COL22A1: variants seen among roughly 807,000 people sequenced by gnomAD.
COL22A1 encodes collagen alpha-1(XXII) chain.
Under a neutral mutation model 248.9 loss-of-function variants are expected in COL22A1, and 221 were observed. The ratio of observed to expected loss-of-function variants is 0.89; its 90% CI spans 0.80 to 0.99. The LOEUF (loss-of-function observed/expected upper bound fraction) is 0.99. COL22A1 is among the 50% of genes least tolerant of loss of function. COL22A1 has a pLI of 0.00. For synonymous variants in COL22A1, 891 were observed against 793.4 expected (o/e 1.12, Z -2.07); for missense variants, 2,240 against 2,179.0 (o/e 1.03, Z -0.56).
At chr8:138,673,976 A>G (rs111523005) in intron 41 of COL22A1, among the ~76,000 whole-genome samples, 1 of 152,156 alleles carries the variant, frequency 6.6e-6, no homozygotes, top group Non-Finnish European at 1.5e-5. Flanking sequence ...AACGCCATGC[A>G]GTCACTCAGG....
At chr8:138,773,184 G>A (rs531060752) in intron 16 of COL22A1, among the ~76,000 whole-genome samples, 2 of 152,336 alleles carry the variant, frequency 1.3e-5, no homozygotes, top group Non-Finnish European at 2.9e-5. Context: ...AGGCAAACAA[G>A]CCCCAGGAGC....
chr8:138,813,333 C>A (rs952261729), intron 7 of COL22A1, among the ~76,000 whole-genome samples: 1 of 152,120 alleles, frequency 6.6e-6, no homozygotes, highest in Non-Finnish European at 1.5e-5. Flanking sequence ...AGAGGGTTTC[C>A]CCCATACTGT....
At chr8:138,739,300 G>T (rs1831373438) in intron 22 of COL22A1, among the ~76,000 whole-genome samples, 1 of 152,098 alleles carries the variant, frequency 6.6e-6, no homozygotes, top group Admixed American at 6.5e-5. Flanking sequence ...TCTGCCAAAT[G>T]CATTCCAAAC....
At chr8:138,847,627 C>A (rs1167829408) in intron 3 of COL22A1, among the ~76,000 whole-genome samples, 1 of 152,046 alleles carries the variant, frequency 6.6e-6, no homozygotes, top group Non-Finnish European at 1.5e-5. Context: ...GAAAGGATTG[C>A]TTAAAAAGCT....
intron 62 of COL22A1, among the ~76,000 whole-genome samples, chr8:138,595,574 C>A (rs898764570): frequency 3.0e-4 from 45 of 152,166 alleles, no homozygotes; most frequent in Non-Finnish European, 5.0e-4. Flanking sequence ...CCTTCTCCCA[C>A]CCAAAACCCA....
intron 16 of COL22A1, among the ~76,000 whole-genome samples, chr8:138,767,101 T>A (rs1833967642): frequency 6.6e-6 from 1 of 152,194 alleles, no homozygotes; most frequent in Non-Finnish European, 1.5e-5. Context: ...ACTCGGTTTC[T>A]ACAAATAAGG....
At chr8:138,789,732 T>C (rs749561331) in intron 12 of COL22A1, among the ~76,000 whole-genome samples, 2 of 152,198 alleles carry the variant, frequency 1.3e-5, no homozygotes, top group Non-Finnish European at 2.9e-5. Flanking sequence ...GTGTCTTGTG[T>C]CAGGTGGATG....
At chr8:138,609,563 C>T (rs1564092332) in intron 56 of COL22A1, among the ~76,000 whole-genome samples, 1 of 152,188 alleles carries the variant, frequency 6.6e-6, no homozygotes, top group African/African-American at 2.4e-5. Context: ...TACCCATACT[C>T]GGCCCTTCCG....
rs1171912230 is a variant in COL22A1, at chr8:138,722,850, CG to C, written c.2248-762del. ...TAAATGATATCGGGTCACATGGGGG[CG>C]GGGGGGGGGTGGTGGAAAACACACC... On this transcript the variant is annotated intron_variant, in intron 25 of 64. Transcript: ENST00000303045. Among the ~76,000 whole-genome samples the C allele has an allele frequency of 2.0e-3, 24 of 11,858 alleles. 2 individuals carry two copies. The highest frequency in any genetic ancestry group is 4.8e-3 in the African/African-American group (16 of 3,368). 7.8% of individuals were successfully genotyped at this position (11,858 alleles called of 152,430 possible). A position where few individuals can be genotyped will look rare whatever the true frequency, so the allele number is the denominator to read the frequency against.
chr8:138,689,019 A>T, intron 36 of COL22A1, 49 bp from the exon 37 acceptor site: 1 of 1,502,388 alleles, frequency 6.7e-7, no homozygotes. Flanking sequence ...ATGACTGGTC[A>T]CTCTTGGTGG....
At chr8:138,895,535 C>T (rs1013958838) in intron 1 of COL22A1, among the ~76,000 whole-genome samples, 1 of 151,680 alleles carries the variant, frequency 6.6e-6, no homozygotes, top group Non-Finnish European at 1.5e-5. Context: ...ATAGAGCAGG[C>T]CTAAAACTAG....
intron 26 of COL22A1, among the ~76,000 whole-genome samples, chr8:138,721,746 C>G (rs1345841427): frequency 6.6e-6 from 1 of 152,188 alleles, no homozygotes; most frequent in Non-Finnish European, 1.5e-5. Context: ...GGTGCCCACC[C>G]CCATGCCAGG....
At chr8:138,660,108 G>A (rs746087658) in intron 44 of COL22A1, among the ~76,000 whole-genome samples, 15 of 143,932 alleles carry the variant, frequency 1.0e-4, no homozygotes, top group Non-Finnish European at 1.9e-4. Flanking sequence ...GGCACTGTTA[G>A]GAAACTGGAG....
chr8:138,703,878 A>G (rs531468412), intron 30 of COL22A1, among the ~76,000 whole-genome samples: 1 of 152,304 alleles, frequency 6.6e-6, no homozygotes, highest in South Asian at 2.1e-4. Flanking sequence ...TCCCTAGCCA[A>G]GGGAACCCGT....
rs77087863 is a variant in COL22A1 at position 138,630,188 on chromosome 8, G to A, written c.3663+507C>T. On this transcript the variant is annotated intron_variant, in intron 50 of 64. Transcript: ENST00000303045. ...TCTGGATTTTGAGATAAAAGCCTTC[G>A]GTTCAAATGCCAACTCCACTGGTTG... Among the ~76,000 whole-genome samples, 1,132 of 152,206 alleles carry A rather than the reference G, an allele frequency of 7.4e-3. 14 individuals carry two copies. Among genetic ancestry groups the A allele is most frequent in the African/African-American group, 0.026 (1,066 of 41,528 alleles).
chr8:138,809,765 G>A (rs573896446), intron 9 of COL22A1, among the ~76,000 whole-genome samples: 1 of 151,810 alleles, frequency 6.6e-6, no homozygotes, highest in Non-Finnish European at 1.5e-5. Flanking sequence ...TGATCTGCCT[G>A]CCTCGGCCTC....
At chr8:138,600,859 C>T (rs948878200) in intron 60 of COL22A1, among the ~76,000 whole-genome samples, 1 of 152,202 alleles carries the variant, frequency 6.6e-6, no homozygotes, top group Non-Finnish European at 1.5e-5. Flanking sequence ...GATATTTGTA[C>T]ACCTGGATGC....
chr8:138,790,192 G>A (rs1006984240), intron 12 of COL22A1, among the ~76,000 whole-genome samples: 1 of 152,176 alleles, frequency 6.6e-6, no homozygotes, highest in Admixed American at 6.5e-5. Context: ...TTGGTGTCAG[G>A]TGAAGGCCTG....
chr8:138,620,869 C>A (rs912392448), intron 52 of COL22A1, among the ~76,000 whole-genome samples: 2 of 152,110 alleles, frequency 1.3e-5, no homozygotes, highest in Non-Finnish European at 2.9e-5. Context: ...AAGCAACAGG[C>A]AACTCAAAAG....
Sources: allele counts gnomAD v4.1 joint callset (sites outside exome capture counted in the v4.1 genomes callset), GRCh38; gene constraint gnomAD v4.1.1; transcripts MANE v1.5; gene names NCBI Gene and HGNC (gene_info 2026-07-23, HGNC 2026-07-21).